The following AMOTL1 variants were observed in gnomAD, a reference collection of about 807,000 sequenced individuals.
The protein encoded by AMOTL1 is angiomotin like 1.
Under a neutral mutation model 102.9 loss-of-function variants are expected in AMOTL1, and 45 were observed. The observed-to-expected ratio is 0.44, with a 90% CI of 0.34 to 0.56. AMOTL1 has a LOEUF of 0.56. Among genes scored for constraint, AMOTL1 ranks in the 20% least tolerant of loss-of-function variants. The pLI is 0.01. For synonymous variants in AMOTL1, 481 were observed against 484.7 expected (o/e 0.99, Z 0.10); for missense variants, 1,114 against 1,225.6 (o/e 0.91, Z 1.36).
At chr11:94,794,923 G>A (rs1951338327) in intron 1 of AMOTL1, 88 bp from the exon 2 acceptor site, 1 of 1,403,104 alleles carries the variant, frequency 7.1e-7, no homozygotes, top group African/African-American at 1.5e-5. Flanking sequence ...AACACTGTGG[G>A]AGAATGCCTG....
chr11:94,828,307 TG>T (rs1952005782), intron 4 of AMOTL1, among the ~76,000 whole-genome samples: 1 of 152,246 alleles, frequency 6.6e-6, no homozygotes, highest in South Asian at 2.1e-4. Flanking sequence ...GCCCTTTTAG[TG>T]TCATAGTTCA....
rs5793697 is a variant in AMOTL1 at position 94,753,306 on chromosome 11, CTTT to C, written c.136+12335_136+12337del. Among the ~76,000 whole-genome samples, 680 of 108,280 alleles carry C rather than the reference CTTT, an allele frequency of 6.3e-3. 7 individuals carry two copies. Among genetic ancestry groups the C allele is most frequent in the African/African-American group, 0.026 (633 of 24,154 alleles). The allele number at this position is 108,280 out of a possible 152,430, so 71.0% of individuals were successfully genotyped here. A position where few individuals can be genotyped will look rare whatever the true frequency, so the allele number is the denominator to read the frequency against. ...TTATTCTCATCCTACTGCTTTCCTG[CTTT>C]TTTTTTTTTTTTTTTTCCTGTCTTC... On this transcript the variant is annotated intron_variant, in intron 3 of 4. Transcript: ENST00000299004.
chr11:94,786,675 G>A (rs1218373332), intron 1 of AMOTL1, among the ~76,000 whole-genome samples: 1 of 152,092 alleles, frequency 6.6e-6, no homozygotes, highest in Non-Finnish European at 1.5e-5. Flanking sequence ...TTGGATCACA[G>A]CACACTTGTA....
At chr11:94,870,369 C>T (rs1952972151) in intron 12 of AMOTL1, among the ~76,000 whole-genome samples, 2 of 152,140 alleles carry the variant, frequency 1.3e-5, no homozygotes, top group Non-Finnish European at 2.9e-5. Flanking sequence ...CCAAGTAAGC[C>T]AGAGAACCTG....
rs1359088014 is a variant in AMOTL1 at position 94,831,437 on chromosome 11, C to T, written c.1559-15C>T. ...CATATACATTTCTTTGTAATCATTT[C>T]CTCTTTGTTCATAGATCGACTAGAG... On this transcript the variant is annotated splice_polypyrimidine_tract_variant and intron_variant, in intron 5 of 12. Transcript: ENST00000433060. The T allele has an allele frequency of 1.3e-6, 2 of 1,596,076 alleles. No homozygotes were observed. Among genetic ancestry groups the T allele is most frequent in the Admixed American group, 1.7e-5 (1 of 58,622 alleles).
At chr11:94,797,619 A>T (rs549483317) in intron 2 of AMOTL1, among the ~76,000 whole-genome samples, 1 of 152,226 alleles carries the variant, frequency 6.6e-6, no homozygotes, top group Admixed American at 6.5e-5. Flanking sequence ...GTAGCAGGAA[A>T]GGTTTTACTC....
At chr11:94,706,692 T>A (rs1487433222) in intron 1 of AMOTL1, 1 of 152,226 alleles carries the variant, frequency 6.6e-6, no homozygotes, top group African/African-American at 2.4e-5. Context: ...TGGAATTAGA[T>A]CAAGAAATAC....
chr11:94,818,320 C>T (rs183703667), intron 3 of AMOTL1, among the ~76,000 whole-genome samples: 1 of 152,324 alleles, frequency 6.6e-6, no homozygotes. Context: ...CACTTTCTGA[C>T]AGGCCCAGGA....
chr11:94,813,050 G>T (rs377208577), intron 3 of AMOTL1, among the ~76,000 whole-genome samples: 1 of 152,190 alleles, frequency 6.6e-6, no homozygotes, highest in African/African-American at 2.4e-5. Flanking sequence ...CCCATTCTCC[G>T]CAGGAGGTCA....
chr11:94,771,591 A>C (rs900013565), intron 1 of AMOTL1, among the ~76,000 whole-genome samples: 1 of 152,022 alleles, frequency 6.6e-6, no homozygotes, highest in African/African-American at 2.4e-5. Flanking sequence ...GGAGAGGTAC[A>C]ATGTAAATCT....
intron 3 of AMOTL1, among the ~76,000 whole-genome samples, chr11:94,751,081 G>A (rs1307603136): frequency 6.6e-6 from 1 of 152,028 alleles, no homozygotes; most frequent in Non-Finnish European, 1.5e-5. Flanking sequence ...GAATGTACAA[G>A]TTGGTCTCCT....
chr11:94,748,772 A>G (rs529552180), intron 3 of AMOTL1, among the ~76,000 whole-genome samples: 1 of 152,318 alleles, frequency 6.6e-6, no homozygotes, highest in East Asian at 1.9e-4. Flanking sequence ...TTTGGAATGC[A>G]TCACCTGGAT....
chr11:94,771,048 T>C (rs1245593432), intron 1 of AMOTL1, among the ~76,000 whole-genome samples: 1 of 152,170 alleles, frequency 6.6e-6, no homozygotes, highest in African/African-American at 2.4e-5. Flanking sequence ...TTCATAGTAA[T>C]TTGTGAAAAT....
chr11:94,831,416 T>C (rs1952068390), intron 5 of AMOTL1, 36 bp from the exon 6 acceptor site: 3 of 1,523,286 alleles, frequency 2.0e-6, no homozygotes, highest in Non-Finnish European at 2.7e-6. Context: ...TCAATCCATA[T>C]ACATTTCTTT....
chr11:94,762,583 C>T (rs754492274), intron 3 of AMOTL1, among the ~76,000 whole-genome samples: 3 of 152,100 alleles, frequency 2.0e-5, no homozygotes, highest in East Asian at 1.9e-4. Context: ...CCAAGGTTTC[C>T]GTAGTAGTAG....
intron 3 of AMOTL1, among the ~76,000 whole-genome samples, chr11:94,819,218 C>T (rs1467562556): frequency 2.0e-5 from 3 of 152,152 alleles, no homozygotes; most frequent in South Asian, 2.1e-4. Flanking sequence ...CTCAGAACCC[C>T]GAAATCAGTA....
intron 1 of AMOTL1, among the ~76,000 whole-genome samples, chr11:94,710,448 G>C (rs1011124914): frequency 6.6e-6 from 1 of 152,166 alleles, no homozygotes; most frequent in Non-Finnish European, 1.5e-5. Context: ...TTTAAAATCT[G>C]GATAGTAATG....
chr11:94,815,064 A>G (rs1485514479), intron 3 of AMOTL1, among the ~76,000 whole-genome samples: 1 of 152,196 alleles, frequency 6.6e-6, no homozygotes, highest in Admixed American at 6.5e-5. Context: ...TTTCAAGTTT[A>G]TGTGACTTAA....
At chr11:94,869,687 T>C (rs1422853535) in intron 12 of AMOTL1, among the ~76,000 whole-genome samples, 1 of 152,174 alleles carries the variant, frequency 6.6e-6, no homozygotes, top group Non-Finnish European at 1.5e-5. Context: ...TTGAAATGAG[T>C]GCACGGCTTG....
Sources: allele counts gnomAD v4.1 joint callset (sites outside exome capture counted in the v4.1 genomes callset), GRCh38; gene constraint gnomAD v4.1.1; transcripts MANE v1.5; gene names NCBI Gene and HGNC (gene_info 2026-07-23, HGNC 2026-07-21).